BAZ1B: variants seen among roughly 807,000 people sequenced by gnomAD.
The protein encoded by BAZ1B is tyrosine-protein kinase BAZ1B.
A neutral mutation model predicts 153.8 loss-of-function variants in BAZ1B; 22 were observed. That is an observed-to-expected ratio of 0.14 (90% CI 0.10 to 0.20). The LOEUF is 0.20. Ranked by LOEUF, BAZ1B falls within the 10% of genes least tolerant of loss-of-function variation. BAZ1B has a pLI of 1.00. For synonymous variants in BAZ1B, 676 were observed against 633.4 expected, an observed-to-expected ratio of 1.07 and a Z score of -1.01; for missense variants, 1,325 against 1,799.3, an observed-to-expected ratio of 0.74 and a Z score of 4.77.
intron 9 of BAZ1B, among the ~76,000 whole-genome samples, chr7:73,467,829 A>G (rs1035615338): frequency 3.3e-5 from 5 of 152,228 alleles, no homozygotes; most frequent in African/African-American, 1.2e-4. Context: ...AATCTCTTCC[A>G]AATCTAAACA....
At chr7:73,458,401 C>T (rs1350755710) in intron 13 of BAZ1B, among the ~76,000 whole-genome samples, 1 of 152,088 alleles carries the variant, frequency 6.6e-6, no homozygotes, top group Non-Finnish European at 1.5e-5. Flanking sequence ...TTGGGCTGGA[C>T]GTGGTGGTTC....
At chr7:73,479,878 G>A (rs557434712) in intron 6 of BAZ1B, among the ~76,000 whole-genome samples, 8 of 152,206 alleles carry the variant, frequency 5.3e-5, no homozygotes, top group Admixed American at 1.3e-4. Context: ...AAATAAAAGT[G>A]GGTGGTCTCA....
intron 1 of BAZ1B, among the ~76,000 whole-genome samples, chr7:73,520,464 G>C (rs1301813425): frequency 6.6e-6 from 1 of 152,126 alleles, no homozygotes; most frequent in African/African-American, 2.4e-5. Context: ...TAGGAAGAGC[G>C]GTGGATTCTA....
chr7:73,480,088 G>A (rs1554573484), intron 6 of BAZ1B, among the ~76,000 whole-genome samples: 3 of 151,606 alleles, frequency 2.0e-5, no homozygotes, highest in East Asian at 1.9e-4. Context: ...AACCCGCAAG[G>A]TGGAGCTTGC....
At chr7:73,466,746 A>G (rs1269622628) in intron 9 of BAZ1B, among the ~76,000 whole-genome samples, 1 of 152,194 alleles carries the variant, frequency 6.6e-6, no homozygotes, top group Non-Finnish European at 1.5e-5. Context: ...ATCTGTAGTG[A>G]AGCAGAGGTA....
intron 4 of BAZ1B, among the ~76,000 whole-genome samples, chr7:73,497,663 T>C (rs1789968676): frequency 6.6e-6 from 1 of 151,966 alleles, no homozygotes. Flanking sequence ...TCCAATACAT[T>C]CATTGAAAAA....
At chr7:73,493,925 A>G (rs1291195570) in intron 4 of BAZ1B, among the ~76,000 whole-genome samples, 1 of 152,136 alleles carries the variant, frequency 6.6e-6, no homozygotes, top group Non-Finnish European at 1.5e-5. Context: ...GTGTGGTTAA[A>G]TATGATGTAT....
At chr7:73,497,109 G>A (rs1583936848) in intron 4 of BAZ1B, among the ~76,000 whole-genome samples, 1 of 134,978 alleles carries the variant, frequency 7.4e-6, no homozygotes, top group African/African-American at 3.1e-5. Context: ...TGGGTGTGGT[G>A]GTGCATGCCT....
intron 1 of BAZ1B, among the ~76,000 whole-genome samples, chr7:73,514,533 C>CAA (rs561236136): frequency 4.1e-4 from 32 of 78,442 alleles, no homozygotes; most frequent in East Asian, 7.3e-4. Context: ...AACTCAGTCT[C>CAA]AAAAAAAAAA....
intron 1 of BAZ1B, 52 bp from the exon 2 acceptor site, chr7:73,510,904 C>T: frequency 7.0e-7 from 1 of 1,434,940 alleles, no homozygotes; most frequent in Non-Finnish European, 9.8e-7. Context: ...GACGACAAAC[C>T]CATACCCATA....
At chr7:73,494,674 G>A (rs1414774565) in intron 4 of BAZ1B, among the ~76,000 whole-genome samples, 1 of 152,054 alleles carries the variant, frequency 6.6e-6, no homozygotes, top group Non-Finnish European at 1.5e-5. Context: ...ACTTGAGCCT[G>A]GGAGGTTGAG....
rs888804666 is a variant in BAZ1B, at chr7:73,516,665, C to G, written c.107+5162G>C. ...TGGCAGGCGCCTGTAATCCCAGCTA[C>G]TTGGGAGGCTGAGGCAGGAGAATTG... On this transcript the variant is annotated intron_variant, in intron 1 of 19. Transcript: ENST00000339594. Among the ~76,000 whole-genome samples, 3 of 145,770 alleles carry G rather than the reference C, an allele frequency of 2.1e-5. No homozygotes were observed. In the Admixed American group the frequency reaches 2.1e-4, roughly 10 times the overall value.
chr7:73,502,053 G>T (rs1277651244), intron 3 of BAZ1B, among the ~76,000 whole-genome samples: 2 of 151,884 alleles, frequency 1.3e-5, no homozygotes, highest in Admixed American at 1.3e-4. Context: ...ACCATGCCTG[G>T]CTAATTTTTG....
At chr7:73,515,223 C>T (rs1483857284) in intron 1 of BAZ1B, among the ~76,000 whole-genome samples, 3 of 152,172 alleles carry the variant, frequency 2.0e-5, no homozygotes, top group African/African-American at 4.8e-5. Context: ...TTCATTGAAC[C>T]TTCAAATATG....
chr7:73,516,134 G>A lies in BAZ1B; in HGVS notation c.108-5282C>T, dbSNP rs545639245. 3.1e-4 allele frequency among the ~76,000 whole-genome samples: 47 copies of A among 152,256 alleles called. No homozygotes were observed. In the South Asian group the frequency reaches 8.3e-3, roughly 27 times the overall value. On this transcript the variant is annotated intron_variant, in intron 1 of 19. Coordinates refer to ENST00000339594, the MANE Select transcript of BAZ1B (RefSeq NM_032408.4). ...TGTACTCCAGCCTGGGCTACAGAGCGAGACTCCACTCAAAAGCAAAGAGAA... is the reference window on the plus strand; with the variant it reads ...TGTACTCCAGCCTGGGCTACAGAGCAAGACTCCACTCAAAAGCAAAGAGAA...
rs1554580310 is a variant in BAZ1B at position 73,521,913 on chromosome 7, G to C, written c.21C>G (p.Arg7=). The C allele has an allele frequency of 1.3e-6, 2 of 1,486,520 alleles. No individual in the cohort carries two copies. The highest frequency in any genetic ancestry group is 2.5e-5 in the South Asian group (2 of 79,992). 92.1% of individuals were successfully genotyped at this position (1,486,520 alleles called of 1,614,324 possible). The change falls in exon 1 of 20, where the codon CGC becomes CGG. Residue 7 remains arginine (R), a synonymous_variant. Transcript: ENST00000339594. MAPLLG[R]KPFPLVKPLP... is the part of the protein sequence containing the mutation. ...ACGGCTTCACCAGCGGGAAGGGCTT[G>C]CGGCCCAGGAGCGGCGCCATCGCGG... is the stretch of plus-strand genomic sequence containing the variant.
rs1554580290 is a variant in BAZ1B at position 73,521,871 on chromosome 7, C to A, written c.63G>T (p.Pro21=). 2.7e-6 allele frequency: 4 copies of A among 1,507,272 alleles called. No homozygotes were observed. The highest frequency in any genetic ancestry group is 3.6e-6 in the Non-Finnish European group (4 of 1,124,142). 93.4% of individuals were successfully genotyped at this position (1,507,272 alleles called of 1,614,324 possible). The part of the protein sequence containing the change: ...PLVKPLPGEE[P]LFTIPHTQEA... ...CCTGAGTGTGCGGGATGGTGAAGAG[C>A]GGCTCCTCTCCGGGCAACGGCTTCA... The change falls in exon 1 of 20, where the codon CCG becomes CCT. Residue 21 remains proline (P), a synonymous_variant. Transcript: ENST00000339594.
intron 5 of BAZ1B, among the ~76,000 whole-genome samples, chr7:73,492,087 G>A (rs1478003179): frequency 3.3e-5 from 5 of 149,524 alleles, no homozygotes; most frequent in Non-Finnish European, 7.4e-5. Context: ...CCGCCTCCCA[G>A]GTTCAAGCGA....
intron 12 of BAZ1B, 123 bp downstream of exon 12, chr7:73,462,799 C>T: frequency 1.8e-6 from 2 of 1,132,748 alleles, no homozygotes; most frequent in Non-Finnish European, 2.6e-6. Flanking sequence ...ACATGTCTTC[C>T]AAGACAAATC....
Sources: allele counts gnomAD v4.1 joint callset (sites outside exome capture counted in the v4.1 genomes callset), GRCh38; gene constraint gnomAD v4.1.1; transcripts MANE v1.5; gene names NCBI Gene and HGNC (gene_info 2026-07-23, HGNC 2026-07-21).